The following TG variants were observed in gnomAD, a reference collection of about 807,000 sequenced individuals.
TG encodes thyroglobulin, also known as thyroid hormones.
TG carries 270 observed loss-of-function variants against 324.7 expected under a neutral mutation model. The ratio of observed to expected loss-of-function variants is 0.83; its 90% CI spans 0.75 to 0.92. The LOEUF (loss-of-function observed/expected upper bound fraction) is 0.92, where lower values mean the gene tolerates loss of function less well. Ranked by LOEUF, TG falls within the 40% of genes least tolerant of loss-of-function variation. The pLI, the probability that TG is intolerant of heterozygous loss-of-function variation, is 0.00. For missense variants in TG, 3,591 were observed against 3,456.4 expected (o/e 1.04, Z -0.98); for synonymous variants, 1,401 against 1,327.0 (o/e 1.06, Z -1.21).
intron 42 of TG, among the ~76,000 whole-genome samples, chr8:133,095,902 A>T (rs141786346): frequency 1.9e-3 from 283 of 152,170 alleles, no homozygotes; most frequent in African/African-American, 6.6e-3. Context: ...CTCTTCAACC[A>T]CTGTCTCCTC....
intron 5 of TG, among the ~76,000 whole-genome samples, chr8:132,876,341 C>T (rs1273285694): frequency 2.0e-5 from 3 of 152,142 alleles, no homozygotes; most frequent in Non-Finnish European, 4.4e-5. Context: ...TCAAGAATGA[C>T]TCCTAGGTCT....
chr8:133,042,678 CTTTTTTTTT>C (rs58739514), intron 41 of TG, among the ~76,000 whole-genome samples: 2 of 56,732 alleles, frequency 3.5e-5, no homozygotes, highest in Admixed American at 2.7e-4. Context: ...CATTCTGTGT[CTTTTTTTTT>C]TTTTTTTTTT....
rs774585616 is a variant in TG, at chr8:133,133,616, G to C, written c.8144G>C (p.Cys2715Ser). Residue 2715 changes from cysteine to serine, a missense_variant, in exon 47 of 48, where the codon TGC becomes TCC. Coordinates refer to ENST00000220616, the MANE Select transcript of TG (RefSeq NM_003235.5). ...PNRQGLKKAD[C>S]SFWSKYISSL... ...CGACAGGGCCTGAAGAAAGCCGACT[G>C]CTCCTTCTGGTCCAAGTACATCTCG... is the stretch of plus-strand genomic sequence containing the variant. The C allele has an allele frequency of 6.2e-7, 1 of 1,614,226 alleles. No homozygotes were observed. The highest frequency in any genetic ancestry group is 1.3e-5 in the African/African-American group (1 of 75,058).
At chr8:132,868,588 C>T (rs1839189601) in intron 2 of TG, among the ~76,000 whole-genome samples, 1 of 152,158 alleles carries the variant, frequency 6.6e-6, no homozygotes, top group African/African-American at 2.4e-5. Context: ...GGGACCTCTC[C>T]CTCCTCCAAG....
At position 132,948,876 on chromosome 8, in the gene TG, T is replaced by C. The variant is rs746894090; in HGVS notation, c.5334T>C (p.Pro1778=). ...PSEAWANATC[P]GVTYDQESHQ... is the part of the protein sequence containing the mutation. ...AAGCCTGGGCTAATGCTACATGTCC[T>C]GGTGTGACATATGACCAGGAGAGCC... is the stretch of plus-strand genomic sequence containing the variant. Residue 1778 remains proline (P), a synonymous_variant, in exon 27 of 48, where the codon CCT becomes CCC. Transcript: ENST00000220616. The C allele has an allele frequency of 1.2e-6, 2 of 1,614,118 alleles. No individual in the cohort carries two copies. Among genetic ancestry groups the C allele is most frequent in the Non-Finnish European group, 1.7e-6 (2 of 1,180,016 alleles).
chr8:132,885,944 A>G (rs900293967), intron 8 of TG, among the ~76,000 whole-genome samples: 1 of 152,174 alleles, frequency 6.6e-6, no homozygotes, highest in Non-Finnish European at 1.5e-5. Context: ...CCCTGTGTGC[A>G]TCTTTGTTTA....
At position 132,911,534 on chromosome 8, in the gene TG, G is replaced by A. The variant is rs945798509; in HGVS notation, c.4159+1G>A. The A allele has an allele frequency of 6.2e-7, 1 of 1,611,638 alleles. No individual in the cohort carries two copies. The highest frequency in any genetic ancestry group is 1.3e-5 in the African/African-American group (1 of 75,002). On this transcript the variant is annotated splice_donor_variant, in intron 19 of 47. Transcript: ENST00000220616. LOFTEE classifies it high-confidence loss of function. Reference sequence around the variant, plus strand: ...TCTCTTCCTGACTTACATGACATTGGTATGTTTTTCTGTGGTAGTACCTAG... The same window carrying A: ...TCTCTTCCTGACTTACATGACATTGATATGTTTTTCTGTGGTAGTACCTAG...
intron 34 of TG, among the ~76,000 whole-genome samples, chr8:132,977,214 G>A (rs797015427): frequency 9.2e-5 from 14 of 152,316 alleles, no homozygotes; most frequent in African/African-American, 3.1e-4. Flanking sequence ...ATAGTAGGAA[G>A]TAGCCTCTAT....
chr8:133,121,843 T>C (rs1851163290), intron 45 of TG, among the ~76,000 whole-genome samples: 1 of 152,164 alleles, frequency 6.6e-6, no homozygotes, highest in Non-Finnish European at 1.5e-5. Context: ...CCTCTCTCCA[T>C]CACCATCACA....
At chr8:132,925,720 T>C (rs1447238223) in intron 22 of TG, among the ~76,000 whole-genome samples, 1 of 152,194 alleles carries the variant, frequency 6.6e-6, no homozygotes, top group African/African-American at 2.4e-5. Context: ...CAACTTGCCC[T>C]GCGGCCCTGG....
Position 133,133,043 on chromosome 8 carries a change from C to T in TG, c.7998-427C>T, listed in dbSNP as rs567653972. ...GGAAGGAGCCTTTATCCCAACAGGTCTGACATCCCCTTTATGGGGCAGCTG... is the reference window on the plus strand; with the variant it reads ...GGAAGGAGCCTTTATCCCAACAGGTTTGACATCCCCTTTATGGGGCAGCTG... On this transcript the variant is annotated intron_variant, in intron 46 of 47. Coordinates refer to ENST00000220616, the MANE Select transcript of TG (RefSeq NM_003235.5). Among the ~76,000 whole-genome samples the T allele has an allele frequency of 8.5e-5, 13 of 152,300 alleles. No individual in the cohort carries two copies. In the East Asian group the frequency reaches 1.5e-3, roughly 18 times the overall value.
chr8:133,075,851 C>T (rs1309039301), intron 41 of TG, among the ~76,000 whole-genome samples: 4 of 151,898 alleles, frequency 2.6e-5, no homozygotes, highest in African/African-American at 9.7e-5. Flanking sequence ...ACTTGGTGAG[C>T]CTAGGTGAAG....
Position 132,888,439 on chromosome 8 carries a change from C to A in TG, c.2632C>A (p.Gln878Lys), listed in dbSNP as rs1160543732. 6.2e-7 allele frequency: 1 copy of A among 1,612,728 alleles called. No individual in the cohort carries two copies. The highest frequency in any genetic ancestry group is 1.1e-5 in the South Asian group (1 of 90,956). ...FWQILNGQLS[Q>K]YPGSYSDFST... ...GCAGATCTTAAATGGCCAACTCAGC[C>A]AATACCCGGGGTCCTACTCAGACTT... Residue 878 changes from glutamine to lysine, a missense_variant, in exon 10 of 48, where the codon CAA becomes AAA. Gln to Lys is a moderately conservative substitution (Grantham distance 53). Transcript: ENST00000220616.
chr8:132,961,904 A>T (rs1827819477), intron 28 of TG, among the ~76,000 whole-genome samples: 1 of 152,162 alleles, frequency 6.6e-6, no homozygotes, highest in Admixed American at 6.5e-5. Flanking sequence ...ACAGACTTGG[A>T]ATGATGGGAT....
intron 35 of TG, among the ~76,000 whole-genome samples, chr8:132,991,723 T>G (rs1564050524): frequency 6.6e-6 from 1 of 152,028 alleles, no homozygotes; most frequent in African/African-American, 2.4e-5. Context: ...GCTGCAACAC[T>G]CAGCACGCGG....
At chr8:133,117,459 A>G (rs1175149115) in intron 45 of TG, among the ~76,000 whole-genome samples, 5 of 152,146 alleles carry the variant, frequency 3.3e-5, no homozygotes, top group Non-Finnish European at 5.9e-5. Context: ...TGAATGGAGG[A>G]CTATGGGGCT....
chr8:132,885,669 T>C (rs544914366), intron 8 of TG, among the ~76,000 whole-genome samples: 15 of 152,178 alleles, frequency 9.9e-5, no homozygotes, highest in African/African-American at 3.6e-4. Context: ...CATAGGAATG[T>C]GTTGGTCTAC....
chr8:133,106,564 T>C, intron 43 of TG: 14 of 567,002 alleles, frequency 2.5e-5, no homozygotes, highest in Non-Finnish European at 2.9e-5. Context: ...ACTGACCCCG[T>C]GGACCTCGCT....
chr8:132,913,729 G>A (rs1819872954), intron 20 of TG, among the ~76,000 whole-genome samples: 1 of 152,174 alleles, frequency 6.6e-6, no homozygotes, highest in Admixed American at 6.5e-5. Context: ...CATTTTTAAT[G>A]GGAAAGTGAT....
Sources: gnomAD v4.1 joint callset for allele counts (sites outside exome capture counted in the v4.1 genomes callset) on GRCh38, gnomAD v4.1.1 for gene constraint, MANE v1.5 for transcripts, NCBI Gene and HGNC (gene_info 2026-07-23, HGNC 2026-07-21) for gene names.